The following PCDHA7 variants were observed in gnomAD, a reference collection of about 807,000 sequenced individuals.
PCDHA7 encodes the protein protocadherin alpha 7.
In PCDHA7, 37 loss-of-function variants were observed where a neutral mutation model predicts 57.2. The observed-to-expected ratio is 0.65, with a 90% CI of 0.50 to 0.85. PCDHA7 has a LOEUF of 0.85. PCDHA7 is among the 40% of genes least tolerant of loss of function. The pLI is 0.00. For synonymous variants in PCDHA7, 553 were observed against 558.8 expected (o/e 0.99, Z 0.15); for missense variants, 1,188 against 1,241.8 (o/e 0.96, Z 0.65).
intron 1 of PCDHA7, among the ~76,000 whole-genome samples, chr5:140,969,939 G>A (rs188120855): frequency 4.6e-5 from 7 of 152,340 alleles, no homozygotes; most frequent in Admixed American, 2.6e-4. Context: ...ACATCATACT[G>A]AAGCTAAAGT....
rs1554164263 is a variant in PCDHA7, at chr5:140,870,437, C to T, written c.2355+33699C>T. ...ACGGCCAGGGTATCCGTGGAGGTGG[C>T]CGACGTGAACGACAATGCGCCTGCG... On this transcript the variant is annotated intron_variant, in intron 1 of 3. Transcript: ENST00000525929. 3.1e-6 allele frequency: 5 copies of T among 1,614,210 alleles called. No homozygotes were observed. In the East Asian group the frequency reaches 1.1e-4, roughly 36 times the overall value.
chr5:140,896,762 T>C (rs1408695272), intron 1 of PCDHA7, among the ~76,000 whole-genome samples: 1 of 152,224 alleles, frequency 6.6e-6, no homozygotes, highest in Non-Finnish European at 1.5e-5. Context: ...TAGACCTTTG[T>C]TGGATGCATA....
chr5:140,888,239 C>G (rs1361679058), intron 1 of PCDHA7, among the ~76,000 whole-genome samples: 3 of 151,992 alleles, frequency 2.0e-5, no homozygotes, highest in Non-Finnish European at 4.4e-5. Flanking sequence ...TGTGCGTGTT[C>G]CTTTAAAGCA....
In PCDHA7 at chr5:140,852,957, C is replaced by T. The variant is rs193082588; in HGVS notation, c.2355+16219C>T. The T allele has an allele frequency of 2.4e-3, 1,034 of 439,410 alleles. 42 individuals carry two copies. The highest frequency in any genetic ancestry group is 0.021 in the African/African-American group (968 of 46,052). 27.2% of individuals were successfully genotyped at this position (439,410 alleles called of 1,614,324 possible). On this transcript the variant is annotated intron_variant, in intron 1 of 3. Transcript: ENST00000525929. ...GCAGTGGTGCCATCTTGGCTCACTC[C>T]AAGCTCCCCCTCCCGTGTTCACGCC... is the stretch of plus-strand genomic sequence containing the variant.
intron 1 of PCDHA7, among the ~76,000 whole-genome samples, chr5:140,907,970 A>G (rs1312755290): frequency 6.6e-6 from 1 of 152,158 alleles, no homozygotes; most frequent in African/African-American, 2.4e-5. Context: ...CAATTTTCCA[A>G]TCATGCTTCT....
intron 1 of PCDHA7, chr5:140,858,119 C>T (rs1444406371): frequency 4.4e-6 from 7 of 1,597,808 alleles, no homozygotes; most frequent in South Asian, 1.1e-5. Flanking sequence ...CGAGGTGGCC[C>T]TGGTGGATGT....
chr5:140,844,090 A>G (rs1779217749), intron 1 of PCDHA7, among the ~76,000 whole-genome samples: 1 of 149,658 alleles, frequency 6.7e-6, no homozygotes. Context: ...CTGAACTCTT[A>G]ATCTTACTCC....
chr5:140,839,663 T>C (rs1477931034), intron 1 of PCDHA7, among the ~76,000 whole-genome samples: 1 of 152,084 alleles, frequency 6.6e-6, no homozygotes, highest in East Asian at 1.9e-4. Context: ...TTTGCTACTA[T>C]TTAGAGTCAA....
chr5:140,993,754 A>G (rs1253767297), intron 3 of PCDHA7, among the ~76,000 whole-genome samples: 1 of 152,170 alleles, frequency 6.6e-6, no homozygotes, highest in African/African-American at 2.4e-5. Context: ...ACTTGCCATT[A>G]TATTACAATT....
At chr5:140,958,530 A>G (rs1283308982) in intron 1 of PCDHA7, among the ~76,000 whole-genome samples, 1 of 152,188 alleles carries the variant, frequency 6.6e-6, no homozygotes, top group East Asian at 1.9e-4. Flanking sequence ...TACTATGTGT[A>G]CATTGATTTA....
intron 1 of PCDHA7, chr5:140,865,436 C>T (rs544302848): frequency 5.3e-5 from 8 of 152,322 alleles, no homozygotes; most frequent in Admixed American, 5.2e-4. Context: ...AGAAAAATAA[C>T]TTCTGAGAAG....
At chr5:140,987,515 T>TA (rs2097257557) in intron 3 of PCDHA7, among the ~76,000 whole-genome samples, 1 of 152,160 alleles carries the variant, frequency 6.6e-6, no homozygotes, top group African/African-American at 2.4e-5. Flanking sequence ...TGCCACTCAG[T>TA]AATTGTATGT....
At position 140,998,569 on chromosome 5, in the gene PCDHA7, G is replaced by GTTT. The variant is rs71574497; in HGVS notation, c.2504-11048_2504-11046dup. ...TTAATGTCTAATTTATTGTAAATAA[G>GTTT]TTTTTTTTTTTTGAGACAGAGTTTT... On this transcript the variant is annotated intron_variant, in intron 3 of 3. Transcript: ENST00000525929. Among the ~76,000 whole-genome samples, 105 of 149,398 alleles carry GTTT rather than the reference G, an allele frequency of 7.0e-4. 1 individual carries two copies. Among genetic ancestry groups the GTTT allele is most frequent in the Middle Eastern group, 3.4e-3 (1 of 292 alleles).
chr5:140,898,794 T>C (rs1487494121), intron 1 of PCDHA7, among the ~76,000 whole-genome samples: 4 of 152,236 alleles, frequency 2.6e-5, no homozygotes, highest in Non-Finnish European at 4.4e-5. Context: ...ATGGCCATTT[T>C]CACGATACTG....
intron 1 of PCDHA7, chr5:140,859,594 C>G (rs2045925164): frequency 6.1e-6 from 1 of 164,452 alleles, no homozygotes; most frequent in Non-Finnish European, 1.3e-5. Context: ...TGGCTCTTAG[C>G]AATTACTTTT....
chr5:140,932,700 AT>A (rs2088549755), intron 1 of PCDHA7, among the ~76,000 whole-genome samples: 1 of 151,992 alleles, frequency 6.6e-6, no homozygotes, highest in Non-Finnish European at 1.5e-5. Context: ...AAAAACTCAT[AT>A]AGACAACACA....
At chr5:140,966,268 A>C (rs542154117) in intron 1 of PCDHA7, 5 of 351,754 alleles carry the variant, frequency 1.4e-5, no homozygotes, top group African/African-American at 1.0e-4. Context: ...AGACTGGATG[A>C]ACTGGACAGT....
chr5:140,943,493 T>C (rs2093505211), intron 1 of PCDHA7, among the ~76,000 whole-genome samples: 1 of 152,118 alleles, frequency 6.6e-6, no homozygotes, highest in Non-Finnish European at 1.5e-5. Context: ...AAATAGATGC[T>C]ATCAAGGTTC....
chr5:140,887,321 C>A (rs1277860165), intron 1 of PCDHA7, among the ~76,000 whole-genome samples: 4 of 152,150 alleles, frequency 2.6e-5, no homozygotes, highest in Non-Finnish European at 5.9e-5. Flanking sequence ...TAGTCTCGAA[C>A]TCCTGACCTC....
Sources: gnomAD v4.1 joint callset for allele counts (sites outside exome capture counted in the v4.1 genomes callset) on GRCh38, gnomAD v4.1.1 for gene constraint, MANE v1.5 for transcripts, NCBI Gene and HGNC (gene_info 2026-07-23, HGNC 2026-07-21) for gene names.